The following LARP1B variants were observed in gnomAD, a reference collection of about 807,000 sequenced individuals.
The protein encoded by LARP1B is La ribonucleoprotein 1B.
LARP1B carries 76 observed loss-of-function variants against 114.2 expected under a neutral mutation model. The observed-to-expected ratio is 0.67, with a 90% CI of 0.55 to 0.81. The LOEUF is 0.81. Ranked by LOEUF, LARP1B falls within the 30% of genes least tolerant of loss-of-function variation. The pLI, the probability that LARP1B is intolerant of heterozygous loss-of-function variation, is 0.00. For missense variants in LARP1B, 1,014 were observed against 1,075.8 expected (o/e 0.94, Z 0.80); for synonymous variants, 345 against 348.0 (o/e 0.99, Z 0.10).
At chr4:128,099,523 TC>T (rs1435142677) in intron 8 of LARP1B, among the ~76,000 whole-genome samples, 1 of 152,050 alleles carries the variant, frequency 6.6e-6, no homozygotes, top group Non-Finnish European at 1.5e-5. Context: ...TTCTGATTTT[TC>T]ACTTAGTATT....
chr4:128,095,945 C>T (rs997291531), intron 7 of LARP1B, among the ~76,000 whole-genome samples: 2 of 150,932 alleles, frequency 1.3e-5, no homozygotes, highest in Admixed American at 6.6e-5. Flanking sequence ...GTCTTCTTCT[C>T]TGTCTTTAAA....
At chr4:128,155,777 C>CTT (rs1735303665) in intron 11 of LARP1B, 1 of 1,595,218 alleles carries the variant, frequency 6.3e-7, no homozygotes, top group African/African-American at 1.3e-5. Context: ...AAGGAACTGA[C>CTT]TGACTTCCTG....
chr4:128,084,478 A>T (rs371276194), intron 5 of LARP1B, among the ~76,000 whole-genome samples: 4 of 152,222 alleles, frequency 2.6e-5, no homozygotes, highest in Non-Finnish European at 5.9e-5. Context: ...TACGAAAACC[A>T]GTCAGGCGTG....
intron 8 of LARP1B, among the ~76,000 whole-genome samples, chr4:128,099,031 C>T (rs1779319589): frequency 6.6e-6 from 1 of 151,068 alleles, no homozygotes; most frequent in African/African-American, 2.4e-5. Flanking sequence ...CCACCTTCGC[C>T]TCCCAAAATG....
At chr4:128,183,575 AC>A (rs1372614385) in intron 15 of LARP1B, among the ~76,000 whole-genome samples, 3 of 152,232 alleles carry the variant, frequency 2.0e-5, no homozygotes, top group African/African-American at 7.2e-5. Flanking sequence ...ATGAATATAT[AC>A]AAGGAGATTA....
intron 8 of LARP1B, among the ~76,000 whole-genome samples, chr4:128,101,222 C>T (rs1780215486): frequency 6.6e-6 from 1 of 151,658 alleles, no homozygotes; most frequent in South Asian, 2.1e-4. Flanking sequence ...GCCTGTAATC[C>T]CAGCACTTTG....
intron 9 of LARP1B, chr4:128,107,742 T>C: frequency 1.4e-6 from 2 of 1,478,108 alleles, no homozygotes; most frequent in Non-Finnish European, 1.8e-6. Context: ...TAAAATGACC[T>C]GCATTCTAAA....
intron 17 of LARP1B, among the ~76,000 whole-genome samples, chr4:128,204,824 T>G (rs1176759093): frequency 1.3e-5 from 2 of 151,050 alleles, no homozygotes; most frequent in African/African-American, 4.9e-5. Context: ...ATGTGCCCCA[T>G]AAATATATGC....
At position 128,094,521 on chromosome 4, in the gene LARP1B, C is replaced by G. The variant is rs181625197; in HGVS notation, c.668+3009C>G. Among the ~76,000 whole-genome samples the G allele has an allele frequency of 5.9e-3, 891 of 151,518 alleles. 7 individuals carry two copies. The highest frequency in any genetic ancestry group is 9.7e-3 in the Non-Finnish European group (656 of 67,916). On this transcript the variant is annotated intron_variant, in intron 7 of 19. Coordinates refer to ENST00000326639, the MANE Select transcript of LARP1B (RefSeq NM_018078.4). Reference sequence around the variant, plus strand: ...GTTCAAGTTCAAGCAATTCTCCTGCCTTAGCCTCTCGAATAGCTGGGATTA... The same window carrying G: ...GTTCAAGTTCAAGCAATTCTCCTGCGTTAGCCTCTCGAATAGCTGGGATTA...
intron 4 of LARP1B, among the ~76,000 whole-genome samples, chr4:128,080,695 C>A (rs1033101330): frequency 6.6e-6 from 1 of 152,136 alleles, no homozygotes; most frequent in African/African-American, 2.4e-5. Context: ...CAGAATTTCA[C>A]TATAGAATAA....
intron 11 of LARP1B, among the ~76,000 whole-genome samples, chr4:128,132,532 C>G (rs1791905507): frequency 6.6e-6 from 1 of 152,124 alleles, no homozygotes; most frequent in Non-Finnish European, 1.5e-5. Flanking sequence ...AGGGGTGAGC[C>G]ACTGTGCCCG....
chr4:128,140,009 C>A (rs1201480223), intron 11 of LARP1B, among the ~76,000 whole-genome samples: 1 of 151,950 alleles, frequency 6.6e-6, no homozygotes, highest in Non-Finnish European at 1.5e-5. Context: ...TGTGGCTAGT[C>A]CAAATAGGAT....
intron 11 of LARP1B, among the ~76,000 whole-genome samples, chr4:128,159,056 T>C (rs996864005): frequency 4.6e-5 from 7 of 151,302 alleles, no homozygotes; most frequent in African/African-American, 7.3e-5. Flanking sequence ...CATGCACCTG[T>C]AGTGCCAGCT....
intron 1 of LARP1B, among the ~76,000 whole-genome samples, chr4:128,064,232 A>G (rs1761543249): frequency 7.7e-6 from 1 of 130,570 alleles, no homozygotes; most frequent in Non-Finnish European, 1.6e-5. Flanking sequence ...AGACTGAGCC[A>G]CTGTATTCCA....
chr4:128,138,115 A>G (rs1580885346), intron 11 of LARP1B, among the ~76,000 whole-genome samples: 1 of 152,328 alleles, frequency 6.6e-6, no homozygotes, highest in African/African-American at 2.4e-5. Context: ...CATAAAAAAT[A>G]TGGAAGGAAA....
At chr4:128,192,424 G>A (rs771476343) in intron 15 of LARP1B, among the ~76,000 whole-genome samples, 13 of 152,114 alleles carry the variant, frequency 8.5e-5, no homozygotes, top group Non-Finnish European at 1.6e-4. Flanking sequence ...AGTTGAAAAT[G>A]CATTTAATAC....
At chr4:128,065,318 T>TTTC (rs1762242752) in intron 1 of LARP1B, among the ~76,000 whole-genome samples, 1 of 74,682 alleles carries the variant, frequency 1.3e-5, no homozygotes, top group Admixed American at 1.6e-4. Context: ...TCTTTCTTTC[T>TTTC]CTCTCTCTCT....
chr4:128,156,793 G>A (rs1480042505), intron 11 of LARP1B, among the ~76,000 whole-genome samples: 1 of 147,186 alleles, frequency 6.8e-6, no homozygotes, highest in Non-Finnish European at 1.5e-5. Flanking sequence ...AGTGAGAGCA[G>A]CTGCTATTTA....
At chr4:128,161,352 T>C (rs1738405592) in intron 11 of LARP1B, among the ~76,000 whole-genome samples, 1 of 152,098 alleles carries the variant, frequency 6.6e-6, no homozygotes, top group Non-Finnish European at 1.5e-5. Flanking sequence ...GACTATGCAA[T>C]AGTAGTTACA....
Sources: allele counts gnomAD v4.1 joint callset (sites outside exome capture counted in the v4.1 genomes callset), GRCh38; gene constraint gnomAD v4.1.1; transcripts MANE v1.5; gene names NCBI Gene and HGNC (gene_info 2026-07-23, HGNC 2026-07-21).